The following PTPRD variants were observed in gnomAD, a reference collection of about 807,000 sequenced individuals.
The protein encoded by PTPRD is receptor-type tyrosine-protein phosphatase delta.
PTPRD carries 34 observed loss-of-function variants against 214.5 expected under a neutral mutation model. The observed-to-expected ratio is 0.16, with a 90% CI of 0.12 to 0.21. PTPRD has a LOEUF of 0.21. Among genes scored for constraint, PTPRD ranks in the 10% least tolerant of loss-of-function variants. The pLI, the probability that PTPRD is intolerant of heterozygous loss-of-function variation, is 1.00. For missense variants in PTPRD, 2,545 were observed against 2,398.7 expected (o/e 1.06, Z -1.27); for synonymous variants, 1,128 against 845.7 (o/e 1.33, Z -5.79).
intron 8 of PTPRD, among the ~76,000 whole-genome samples, chr9:9,536,380 A>C (rs1225393580): frequency 6.6e-6 from 1 of 152,040 alleles, no homozygotes; most frequent in Non-Finnish European, 1.5e-5. Context: ...TTCTTTAAAA[A>C]CATTTAAAAT....
intron 9 of PTPRD, among the ~76,000 whole-genome samples, chr9:9,199,181 C>A (rs1049466574): frequency 6.6e-6 from 1 of 152,066 alleles, no homozygotes; most frequent in Non-Finnish European, 1.5e-5. Context: ...CTAGTTGCAC[C>A]TAGGGTATTT....
chr9:8,549,518 G>A (rs1476856135), intron 14 of PTPRD, among the ~76,000 whole-genome samples: 1 of 152,186 alleles, frequency 6.6e-6, no homozygotes. Flanking sequence ...TTTCCACACA[G>A]TAACATTTTT....
intron 10 of PTPRD, among the ~76,000 whole-genome samples, chr9:9,061,055 A>C (rs2099706309): frequency 6.6e-6 from 1 of 152,172 alleles, no homozygotes; most frequent in Admixed American, 6.5e-5. Flanking sequence ...GCATAACTGA[A>C]GTTTGGTGTT....
At chr9:9,946,031 G>C (rs988412409) in intron 4 of PTPRD, among the ~76,000 whole-genome samples, 4 of 52,688 alleles carry the variant, frequency 7.6e-5, no homozygotes, top group African/African-American at 6.1e-4. Context: ...GTTAGAACTT[G>C]AGGAAGCCTT....
At chr9:10,559,329 T>G (rs2475432) in intron 2 of PTPRD, among the ~76,000 whole-genome samples, 125,900 of 152,088 alleles carry the variant, frequency 0.83, 52,384 homozygotes, top group East Asian at 0.96. Context: ...TACTATGCTA[T>G]CCATTAACCA....
At chr9:9,019,561 C>G (rs2099554949) in intron 10 of PTPRD, among the ~76,000 whole-genome samples, 1 of 152,100 alleles carries the variant, frequency 6.6e-6, no homozygotes, top group Non-Finnish European at 1.5e-5. Context: ...AAATAATTAG[C>G]CAGGCGTGGT....
chr9:9,516,252 C>T lies in PTPRD; in HGVS notation c.-237+58480G>A, dbSNP rs189685046. ...AGTCCATCTAAATCTATTTTAACTC[C>T]CATCCATATTTACTTAAGCTAAAAG... On this transcript the variant is annotated intron_variant, in intron 8 of 45. Transcript: ENST00000381196. Among the ~76,000 whole-genome samples, 40 of 96,562 alleles carry T rather than the reference C, an allele frequency of 4.1e-4. 1 individual carries two copies. The highest frequency in any genetic ancestry group is 9.0e-4 in the Admixed American group (9 of 10,044). 63.3% of individuals were successfully genotyped at this position (96,562 alleles called of 152,430 possible).
chr9:10,349,182 C>T (rs956721938), intron 2 of PTPRD, among the ~76,000 whole-genome samples: 1 of 146,702 alleles, frequency 6.8e-6, no homozygotes, highest in Non-Finnish European at 1.5e-5. Context: ...TCTCAACATC[C>T]TGTCCTTTCC....
intron 2 of PTPRD, among the ~76,000 whole-genome samples, chr9:10,438,010 T>TATATATATA (rs1566033180): frequency 2.6e-5 from 3 of 113,854 alleles, no homozygotes; most frequent in African/African-American, 1.4e-4. Flanking sequence ...TAAGTCTACA[T>TATATATATA]ATATATATAT....
chr9:9,987,064 G>A (rs375770068), intron 4 of PTPRD, among the ~76,000 whole-genome samples: 1 of 152,092 alleles, frequency 6.6e-6, no homozygotes, highest in African/African-American at 2.4e-5. Flanking sequence ...GGGAAATCGA[G>A]AGAGCTTGAC....
chr9:9,742,779 C>A (rs866484110), intron 6 of PTPRD, among the ~76,000 whole-genome samples: 57 of 152,270 alleles, frequency 3.7e-4, no homozygotes, highest in African/African-American at 1.3e-3. Flanking sequence ...TTTCCTTCCT[C>A]TACTAGCTTC....
At chr9:10,024,757 T>C (rs914917997) in intron 4 of PTPRD, among the ~76,000 whole-genome samples, 3 of 147,772 alleles carry the variant, frequency 2.0e-5, no homozygotes, top group Admixed American at 6.7e-5. Flanking sequence ...ATTAGGTATA[T>C]CTCCTAATGC....
intron 14 of PTPRD, among the ~76,000 whole-genome samples, chr9:8,594,011 G>C (rs533678450): frequency 1.3e-5 from 2 of 152,286 alleles, no homozygotes; most frequent in African/African-American, 2.4e-5. Flanking sequence ...ACTGATATGA[G>C]TGATAGGGAC....
At chr9:9,014,622 A>G (rs1402513527) in intron 11 of PTPRD, among the ~76,000 whole-genome samples, 1 of 152,140 alleles carries the variant, frequency 6.6e-6, no homozygotes, top group Non-Finnish European at 1.5e-5. Flanking sequence ...CTGTCCAGCA[A>G]TCAAGTTAAC....
At position 8,314,568 on chromosome 9, in the gene PTPRD, ATCTGTAGCCTTCTGATC is replaced by A. The variant is rs1820884237; in HGVS notation, c.*3289_*3305del. 1 of 232,312 alleles carries A rather than the reference ATCTGTAGCCTTCTGATC, an allele frequency of 4.3e-6. No individual in the cohort carries two copies. Among genetic ancestry groups the A allele is most frequent in the East Asian group, 6.1e-5 (1 of 16,510 alleles). The allele number at this position is 232,312 out of a possible 1,614,324, so 14.4% of individuals were successfully genotyped here. ...GCCACATAACGGATGGATAGAATGG[ATCTGTAGCCTTCTGATC>A]TCTGCTGGAGTATCAGGGCACCCAT... On this transcript the variant is annotated 3_prime_UTR_variant, in exon 46 of 46. Coordinates refer to ENST00000381196, the MANE Select transcript of PTPRD (RefSeq NM_002839.4).
chr9:8,874,351 T>C (rs2098355064), intron 11 of PTPRD, among the ~76,000 whole-genome samples: 1 of 140,330 alleles, frequency 7.1e-6, no homozygotes, highest in African/African-American at 2.5e-5. Context: ...TGACTACAGT[T>C]GAACGGACTG....
chr9:8,760,024 T>C (rs2094308778), intron 11 of PTPRD, among the ~76,000 whole-genome samples: 1 of 152,292 alleles, frequency 6.6e-6, no homozygotes. Flanking sequence ...TCCTCAGATG[T>C]GGGACTCAGT....
At chr9:8,805,440 A>G (rs1228274542) in intron 11 of PTPRD, among the ~76,000 whole-genome samples, 1 of 152,098 alleles carries the variant, frequency 6.6e-6, no homozygotes, top group Non-Finnish European at 1.5e-5. Context: ...TCTTTATACA[A>G]TAATCGTAGT....
At chr9:10,261,533 T>C (rs1174562798) in intron 3 of PTPRD, among the ~76,000 whole-genome samples, 1 of 152,022 alleles carries the variant, frequency 6.6e-6, no homozygotes, top group Non-Finnish European at 1.5e-5. Context: ...GAATGTTGTG[T>C]GTGTGTATAT....
Sources: allele counts gnomAD v4.1 joint callset (sites outside exome capture counted in the v4.1 genomes callset), GRCh38; gene constraint gnomAD v4.1.1; transcripts MANE v1.5; gene names NCBI Gene and HGNC (gene_info 2026-07-23, HGNC 2026-07-21).